BLK: variants seen among roughly 807,000 people sequenced by gnomAD.
BLK encodes BLK proto-oncogene, Src family tyrosine kinase.
In BLK, 64 loss-of-function variants were observed where a neutral mutation model predicts 61.8. That is an observed-to-expected ratio of 1.03 (90% CI 0.85 to 1.27). The LOEUF (loss-of-function observed/expected upper bound fraction) is 1.27. Among genes scored for constraint, BLK ranks in the 50% most tolerant of loss-of-function variants. The pLI is 0.00. For missense variants in BLK, 853 were observed against 660.5 expected, an observed-to-expected ratio of 1.29 and a Z score of -3.19; for synonymous variants, 351 against 272.0, an observed-to-expected ratio of 1.29 and a Z score of -2.86.
chr8:11,521,857 C>T (rs1271669613), intron 1 of BLK, among the ~76,000 whole-genome samples: 1 of 152,188 alleles, frequency 6.6e-6, no homozygotes, highest in African/African-American at 2.4e-5. Flanking sequence ...GGAGGGGACT[C>T]CTCTCTATCT....
intron 1 of BLK, among the ~76,000 whole-genome samples, chr8:11,535,832 T>A (rs1206913112): frequency 6.6e-6 from 1 of 152,250 alleles, no homozygotes; most frequent in East Asian, 1.9e-4. Context: ...CCTACAGAGG[T>A]AACTCTATGT....
At chr8:11,500,454 C>T (rs563511294) in intron 1 of BLK, among the ~76,000 whole-genome samples, 8 of 152,254 alleles carry the variant, frequency 5.3e-5, no homozygotes, top group Non-Finnish European at 8.8e-5. Context: ...CCTTGGCCTC[C>T]CAAAGTGTTG....
chr8:11,515,880 A>G lies in BLK; in HGVS notation c.-2+21289A>G, dbSNP rs972038005. 6.6e-5 allele frequency among the ~76,000 whole-genome samples: 10 copies of G among 152,340 alleles called. No homozygotes were observed. The South Asian group carries it at 2.1e-3, about 32-fold the overall frequency. ...AAGTGGGCTCCTGCTGGCATTTTAA[A>G]AACAAAATCATATAGAATAGAGAAT... On this transcript the variant is annotated intron_variant, in intron 1 of 12. Transcript: ENST00000259089.
chr8:11,525,611 A>T (rs1308087707), intron 1 of BLK, among the ~76,000 whole-genome samples: 1 of 152,160 alleles, frequency 6.6e-6, no homozygotes, highest in Non-Finnish European at 1.5e-5. Context: ...ATTATTATAC[A>T]AGTTATCCAT....
intron 1 of BLK, among the ~76,000 whole-genome samples, chr8:11,532,344 A>C (rs549359797): frequency 6.8e-6 from 1 of 146,676 alleles, no homozygotes; most frequent in Non-Finnish European, 1.5e-5. Context: ...GATTACAGGC[A>C]CGCAGCACCA....
Position 11,556,786 on chromosome 8 carries a change from G to C in BLK, c.901G>C (p.Ala301Pro), listed in dbSNP as rs774184337. 1.9e-6 allele frequency: 3 copies of C among 1,614,188 alleles called. No homozygotes were observed. Among genetic ancestry groups the C allele is most frequent in the Non-Finnish European group, 2.5e-6 (3 of 1,180,028 alleles). ...LQHERLVRLY[A>P]VVTKEPIYIV... ...GCACGAGCGGCTGGTCCGACTCTAC[G>C]CAGTGGTCACCAAGGAGCCCATCTA... The change falls in exon 9 of 13, where the codon GCA becomes CCA. Residue 301 changes from alanine to proline, a missense_variant. Physicochemically the swap from Ala to Pro is conservative, Grantham distance 27. Transcript: ENST00000259089.
intron 10 of BLK, chr8:11,560,886 C>G (rs559336757): frequency 2.1e-6 from 1 of 466,146 alleles, no homozygotes; most frequent in East Asian, 6.5e-5. Flanking sequence ...GCCTCCAGCT[C>G]CAGGAGCTGT....
intron 6 of BLK, chr8:11,554,346 C>T (rs558909636): frequency 3.8e-4 from 117 of 309,818 alleles, no homozygotes; most frequent in Middle Eastern, 2.3e-3. Context: ...GTAAGAGATA[C>T]CCTCTTTAGC....
rs557449439 is a variant in BLK at position 11,526,220 on chromosome 8, C to T, written c.-1-17004C>T. 1.2e-3 allele frequency among the ~76,000 whole-genome samples: 186 copies of T among 152,318 alleles called. 4 individuals are homozygous for T. Among genetic ancestry groups the T allele is most frequent in the African/African-American group, 4.3e-3 (179 of 41,568 alleles). Reference sequence around the variant, plus strand: ...CTTACCTGGCTTTCACCTGCACACTCCCCTCTCCATTTCCTAGATTTTTAT... The same window carrying T: ...CTTACCTGGCTTTCACCTGCACACTTCCCTCTCCATTTCCTAGATTTTTAT... On this transcript the variant is annotated intron_variant, in intron 1 of 12. Coordinates refer to ENST00000259089, the MANE Select transcript of BLK (RefSeq NM_001715.3).
chr8:11,558,016 G>A lies in BLK; in HGVS notation c.1007G>A (p.Arg336Lys), dbSNP rs865774891. The change falls in exon 10 of 13, where the codon AGG becomes AAG. Residue 336 changes from arginine (R) to lysine (K), a missense_variant. Physicochemically the swap from Arg to Lys is conservative, Grantham distance 26 (BLOSUM62 2). Transcript: ENST00000259089. ...GAAGGGAGCAGATTGTCACTCCCAA[G>A]GCTGATTGACATGTCGGCGCAGGTT... is the stretch of plus-strand genomic sequence containing the variant. ...TDEGSRLSLP[R>K]LIDMSAQIAE... The A allele has an allele frequency of 1.9e-6, 3 of 1,614,092 alleles. No homozygotes were observed. Among genetic ancestry groups the A allele is most frequent in the African/African-American group, 2.7e-5 (2 of 75,042 alleles).
chr8:11,554,784 G>A lies in BLK; in HGVS notation c.514G>A (p.Glu172Lys), dbSNP rs200436247. The change falls in exon 7 of 13, where the codon GAG (glutamate) becomes AAG (lysine). Residue 172 changes from glutamate to lysine, a missense_variant. By Grantham distance (56) the Glu-to-Lys change is moderately conservative. Coordinates refer to ENST00000259089, the MANE Select transcript of BLK (RefSeq NM_001715.3). ...LSVKDVTTQG[E>K]LIKHYKIRCL... Reference sequence around the variant, plus strand: ...TGTGAAGGATGTCACCACCCAGGGGGAGCTGATCAAGCACTATAAGATCCG... The same window carrying A: ...TGTGAAGGATGTCACCACCCAGGGGAAGCTGATCAAGCACTATAAGATCCG... The A allele has an allele frequency of 1.2e-6, 2 of 1,613,892 alleles. No individual in the cohort carries two copies. The highest frequency in any genetic ancestry group is 1.7e-6 in the Non-Finnish European group (2 of 1,180,030).
intron 1 of BLK, among the ~76,000 whole-genome samples, chr8:11,506,049 A>G (rs566711001): frequency 6.6e-6 from 1 of 152,310 alleles, no homozygotes; most frequent in African/African-American, 2.4e-5. Context: ...AGGGAGGCAG[A>G]TGGTAGAACA....
chr8:11,544,359 C>T (rs1563110100), intron 2 of BLK, among the ~76,000 whole-genome samples: 2 of 152,148 alleles, frequency 1.3e-5, no homozygotes, highest in Non-Finnish European at 2.9e-5. Flanking sequence ...TTGCCGCGAC[C>T]CCCTCTCCTG....
In BLK at chr8:11,564,567, G is replaced by A. The variant is rs1304016690; in HGVS notation, c.*459G>A. 1 of 440,044 alleles carries A rather than the reference G, an allele frequency of 2.3e-6. No homozygotes were observed. The highest frequency in any genetic ancestry group is 4.6e-6 in the Non-Finnish European group (1 of 219,254). 27.3% of individuals were successfully genotyped at this position (440,044 alleles called of 1,614,324 possible). ...GCCTAGGCTGCGCTCCAGCACTGCG[G>A]GGCTTTTCTGCAATAAAGTCACGAG... On this transcript the variant is annotated 3_prime_UTR_variant, in exon 13 of 13. Coordinates refer to ENST00000259089, the MANE Select transcript of BLK (RefSeq NM_001715.3).
chr8:11,554,503 T>C (rs1416729296), intron 6 of BLK, among the ~76,000 whole-genome samples: 3 of 152,122 alleles, frequency 2.0e-5, no homozygotes, highest in Non-Finnish European at 4.4e-5. Context: ...TGTGATTCCC[T>C]GGCTGAGTTT....
intron 3 of BLK, among the ~76,000 whole-genome samples, chr8:11,546,585 T>C (rs1800656714): frequency 6.6e-6 from 1 of 151,958 alleles, no homozygotes; most frequent in Non-Finnish European, 1.5e-5. Flanking sequence ...CTCCACTTGG[T>C]TTTTTTTGAG....
chr8:11,550,683 G>C lies in BLK; in HGVS notation c.472+421G>C, dbSNP rs138840242. The stretch of plus-strand genomic sequence containing the variant: ...TGCAGGTAGCATATGTTAGGAAGTG[G>C]CCTGTGCCGTGATGTAAGAGAAGAG... On this transcript the variant is annotated intron_variant, in intron 6 of 12. Coordinates refer to ENST00000259089, the MANE Select transcript of BLK (RefSeq NM_001715.3). Among the ~76,000 whole-genome samples the C allele has an allele frequency of 5.0e-4, 76 of 152,348 alleles. 1 individual carries two copies. The East Asian group carries it at 0.013, about 26-fold the overall frequency.
At chr8:11,562,199 G>A (rs1273348320) in intron 11 of BLK, among the ~76,000 whole-genome samples, 2 of 152,294 alleles carry the variant, frequency 1.3e-5, no homozygotes, top group South Asian at 2.1e-4. Context: ...TCTCATGTGC[G>A]ATCAGCAAAC....
chr8:11,503,536 G>T (rs538003489), intron 1 of BLK, among the ~76,000 whole-genome samples: 54 of 152,292 alleles, frequency 3.5e-4, no homozygotes, highest in Admixed American at 6.5e-4. Flanking sequence ...CTTATACAGG[G>T]TGACCCTTTT....
Sources: allele counts gnomAD v4.1 joint callset (sites outside exome capture counted in the v4.1 genomes callset), GRCh38; gene constraint gnomAD v4.1.1; transcripts MANE v1.5; gene names NCBI Gene and HGNC (gene_info 2026-07-23, HGNC 2026-07-21).